EFHC1: variants seen among roughly 807,000 people sequenced by gnomAD.
The protein encoded by EFHC1 is EF-hand domain-containing protein 1.
In EFHC1, 53 loss-of-function variants were observed where a neutral mutation model predicts 69.9. The observed-to-expected ratio is 0.76, with a 90% CI of 0.61 to 0.95. The LOEUF (loss-of-function observed/expected upper bound fraction) is 0.95, where lower values mean the gene tolerates loss of function less well. Ranked by LOEUF, EFHC1 falls within the 40% of genes least tolerant of loss-of-function variation. EFHC1 has a pLI of 0.00. For synonymous variants in EFHC1, 256 were observed against 278.4 expected, an observed-to-expected ratio of 0.92 and a Z score of 0.80; for missense variants, 739 against 798.7, an observed-to-expected ratio of 0.93 and a Z score of 0.90.
intron 2 of EFHC1, 50 bp downstream of exon 2, chr6:52,424,217 A>G: frequency 1.9e-6 from 3 of 1,552,874 alleles, no homozygotes; most frequent in East Asian, 2.3e-5. Flanking sequence ...CTGAGAGCCA[A>G]CTGCTTGCAA....
Position 52,479,691 on chromosome 6 carries a change from A to G in EFHC1, c.1544A>G (p.Tyr515Cys). ...GATACAGACGAGTATGTTTTGAAAT[A>G]CATGGAGAGCAACGCTGCCCAGTAT... ...ILDTDEYVLK[Y>C]MESNAAQYSP... The change falls in exon 9 of 11, where the codon TAC (tyrosine) becomes TGC (cysteine). Residue 515 changes from tyrosine to cysteine, a missense_variant. By Grantham distance (194) the Tyr-to-Cys change is radical. Coordinates refer to ENST00000371068, the MANE Select transcript of EFHC1 (RefSeq NM_018100.4). 1 of 1,614,218 alleles carries G rather than the reference A, an allele frequency of 6.2e-7. No homozygotes were observed. Among genetic ancestry groups the G allele is most frequent in the Non-Finnish European group, 8.5e-7 (1 of 1,180,044 alleles).
At chr6:52,466,854 G>A (rs1765317269) in intron 6 of EFHC1, among the ~76,000 whole-genome samples, 1 of 152,122 alleles carries the variant, frequency 6.6e-6, no homozygotes, top group Admixed American at 6.5e-5. Flanking sequence ...AGGAAGTGTG[G>A]GTGATAATAC....
rs535341871 is a variant in EFHC1, at chr6:52,429,327, T to C, written c.285+5160T>C. 4.2e-4 allele frequency among the ~76,000 whole-genome samples: 64 copies of C among 152,320 alleles called. No homozygotes were observed. In the South Asian group the frequency reaches 8.1e-3, roughly 19 times the overall value. On this transcript the variant is annotated intron_variant, in intron 2 of 10. Transcript: ENST00000371068. ...TTTCTAGAATTTTTATAGTTTCAGG[T>C]CTTAGATTTAAGTCCTTGATCCATC...
At position 52,494,740 on chromosome 6, in the gene EFHC1, A is replaced by G. The variant is rs1359010863; in HGVS notation, c.*2399A>G. The G allele has an allele frequency of 4.4e-6, 2 of 453,626 alleles. No homozygotes were observed. The highest frequency in any genetic ancestry group is 4.0e-5 in the African/African-American group (2 of 49,932). 28.1% of individuals were successfully genotyped at this position (453,626 alleles called of 1,614,324 possible). ...GTCCCCAGTGTCTATTGTTCCCATC[A>G]TTATGTCTATGTGTATTCAATGTTT... On this transcript the variant is annotated 3_prime_UTR_variant, in exon 11 of 11. Transcript: ENST00000371068.
intron 5 of EFHC1, among the ~76,000 whole-genome samples, chr6:52,460,454 A>G (rs1179418596): frequency 6.6e-6 from 1 of 152,204 alleles, no homozygotes; most frequent in Non-Finnish European, 1.5e-5. Flanking sequence ...TGATGGTTTC[A>G]TGGGTAAATA....
At chr6:52,485,282 GCTT>G (rs1765763438) in intron 9 of EFHC1, 1 of 152,108 alleles carries the variant, frequency 6.6e-6, no homozygotes, top group African/African-American at 2.4e-5. Flanking sequence ...ACACTGGAAA[GCTT>G]CTTGCTTCAG....
Position 52,424,042 on chromosome 6 carries a change from T to C in EFHC1, c.160T>C (p.Phe54Leu), listed in dbSNP as rs370815762. The C allele has an allele frequency of 7.4e-6, 12 of 1,614,168 alleles. No individual in the cohort carries two copies. Among genetic ancestry groups the C allele is most frequent in the African/African-American group, 5.3e-5 (4 of 75,040 alleles). ...TVGIGGDRLQ[F>L]NQLSQAELDE... ...TGGGATAGGCGGAGACCGGCTCCAGTTCAACCAGCTGTCCCAGGCTGAGCT... is the reference window on the plus strand; with the variant it reads ...TGGGATAGGCGGAGACCGGCTCCAGCTCAACCAGCTGTCCCAGGCTGAGCT... The change falls in exon 2 of 11, where the codon TTC becomes CTC. Residue 54 changes from phenylalanine to leucine, a missense_variant. Physicochemically the swap from Phe to Leu is conservative, Grantham distance 22 (BLOSUM62 0). Coordinates refer to ENST00000371068, the MANE Select transcript of EFHC1 (RefSeq NM_018100.4).
At chr6:52,454,720 A>G (rs1296200472) in intron 5 of EFHC1, among the ~76,000 whole-genome samples, 2 of 152,102 alleles carry the variant, frequency 1.3e-5, no homozygotes, top group African/African-American at 4.8e-5. Flanking sequence ...TTAACTTGAG[A>G]TTGGAAAAGG....
At chr6:52,476,798 AC>A (rs1236439826) in intron 7 of EFHC1, among the ~76,000 whole-genome samples, 1 of 152,188 alleles carries the variant, frequency 6.6e-6, no homozygotes, top group Non-Finnish European at 1.5e-5. Context: ...AGAAATAATA[AC>A]TAAATGCAAT....
intron 2 of EFHC1, among the ~76,000 whole-genome samples, chr6:52,435,621 G>T (rs1425113394): frequency 6.6e-6 from 1 of 152,050 alleles, no homozygotes; most frequent in Admixed American, 6.6e-5. Context: ...TCCATTGCTG[G>T]TAATTAATTA....
Position 52,493,365 on chromosome 6 carries a change from CA to C in EFHC1, c.*1025del, listed in dbSNP as rs1765955664. On this transcript the variant is annotated 3_prime_UTR_variant, in exon 11 of 11. Coordinates refer to ENST00000371068, the MANE Select transcript of EFHC1 (RefSeq NM_018100.4). ...ATAACTCTCTCTTTCTCTCTCTCTACATATATATATATATATATATTTTATA... is the reference window on the plus strand; with the variant it reads ...ATAACTCTCTCTTTCTCTCTCTCTACTATATATATATATATATATTTTATA... 14 of 168,598 alleles carry C rather than the reference CA, an allele frequency of 8.3e-5. No homozygotes were observed. Among genetic ancestry groups the C allele is most frequent in the Middle Eastern group, 1.8e-3 (1 of 556 alleles). The allele number at this position is 168,598 out of a possible 1,614,324, so 10.4% of individuals were successfully genotyped here.
intron 2 of EFHC1, among the ~76,000 whole-genome samples, chr6:52,434,096 G>C (rs925673079): frequency 6.6e-6 from 1 of 152,198 alleles, no homozygotes; most frequent in Admixed American, 6.5e-5. Context: ...CTTGCCCCAG[G>C]CTACCTGCCT....
intron 9 of EFHC1, chr6:52,480,183 G>A: frequency 3.0e-6 from 1 of 333,320 alleles, no homozygotes; most frequent in East Asian, 6.3e-5. Context: ...TTACAATACG[G>A]TAAGCTAGAG....
intron 10 of EFHC1, 51 bp from the exon 11 acceptor site, chr6:52,492,219 G>A: frequency 5.2e-6 from 8 of 1,542,178 alleles, no homozygotes; most frequent in Non-Finnish European, 5.4e-6. Flanking sequence ...CAGTTGAGCT[G>A]ACGGAAGCCC....
chr6:52,482,959 T>C (rs764031), intron 9 of EFHC1: 73,471 of 397,430 alleles, frequency 0.18, 7,623 homozygotes, highest in Non-Finnish European at 0.21. Context: ...CTTTTGATTT[T>C]CCATTTTTGT....
At chr6:52,453,138 A>G (rs1461230394) in intron 4 of EFHC1, 7 of 1,383,012 alleles carry the variant, frequency 5.1e-6, no homozygotes, top group African/African-American at 1.4e-5. Flanking sequence ...TACGTTTCCA[A>G]TTGACAATTT....
intron 9 of EFHC1, among the ~76,000 whole-genome samples, chr6:52,481,357 A>G (rs1765670323): frequency 2.0e-5 from 3 of 152,072 alleles, no homozygotes; most frequent in African/African-American, 7.2e-5. Context: ...TTCTGGATAT[A>G]TCGTATATTA....
chr6:52,453,555 G>A, intron 4 of EFHC1: 1 of 1,279,228 alleles, frequency 7.8e-7, no homozygotes, highest in South Asian at 1.2e-5. Flanking sequence ...GTTCATATCA[G>A]TCATATATCT....
At position 52,497,000 on chromosome 6, in the gene EFHC1, C is replaced by T. The variant is rs1032967133; in HGVS notation, c.*4659C>T. Reference sequence around the variant, plus strand: ...ATACTTGGATGTCTTCTAGTCAGCACCAACATATTTGTTGGCCTTTACACA... The same window carrying T: ...ATACTTGGATGTCTTCTAGTCAGCATCAACATATTTGTTGGCCTTTACACA... On this transcript the variant is annotated 3_prime_UTR_variant, in exon 11 of 11. Coordinates refer to ENST00000371068, the MANE Select transcript of EFHC1 (RefSeq NM_018100.4). 6.6e-6 allele frequency: 1 copy of T among 152,232 alleles called. No homozygotes were observed. The highest frequency in any genetic ancestry group is 2.4e-5 in the African/African-American group (1 of 41,460). The allele number at this position is 152,232 out of a possible 1,614,324, so 9.4% of individuals were successfully genotyped here. A position where few individuals can be genotyped will look rare whatever the true frequency, so the allele number is the denominator to read the frequency against.
Sources: allele counts gnomAD v4.1 joint callset (sites outside exome capture counted in the v4.1 genomes callset), GRCh38; gene constraint gnomAD v4.1.1; transcripts MANE v1.5; gene names NCBI Gene and HGNC (gene_info 2026-07-23, HGNC 2026-07-21).